The following DLG2 variants were observed in gnomAD, a reference collection of about 807,000 sequenced individuals.
DLG2 encodes the protein discs large MAGUK scaffold protein 2, also known as disks large homolog 2.
In DLG2, 45 loss-of-function variants were observed where a neutral mutation model predicts 132.5. The observed-to-expected ratio is 0.34, with a 90% CI of 0.27 to 0.44. The LOEUF is 0.44. Among genes scored for constraint, DLG2 ranks in the 20% least tolerant of loss-of-function variants. The pLI is 1.00. For missense variants in DLG2, 1,045 were observed against 1,196.9 expected (o/e 0.87, Z 1.87); for synonymous variants, 424 against 419.6 (o/e 1.01, Z -0.13).
At chr11:83,775,969 G>A (rs1276809732) in intron 18 of DLG2, among the ~76,000 whole-genome samples, 1 of 152,136 alleles carries the variant, frequency 6.6e-6, no homozygotes, top group Non-Finnish European at 1.5e-5. Context: ...GCAGGAGCCT[G>A]TAGTCCCAGC....
chr11:84,294,976 A>G (rs2098068841), intron 7 of DLG2, among the ~76,000 whole-genome samples: 1 of 152,198 alleles, frequency 6.6e-6, no homozygotes, highest in African/African-American at 2.4e-5. Flanking sequence ...TGAAAACTAT[A>G]TTGTTTTTAC....
chr11:85,482,106 C>G (rs973246284), intron 3 of DLG2, among the ~76,000 whole-genome samples: 1 of 152,110 alleles, frequency 6.6e-6, no homozygotes, highest in African/African-American at 2.4e-5. Flanking sequence ...TGGCCCCAGG[C>G]TGCAGACCAC....
chr11:83,742,890 C>T (rs1420445915), intron 18 of DLG2, among the ~76,000 whole-genome samples: 1 of 152,092 alleles, frequency 6.6e-6, no homozygotes, highest in East Asian at 1.9e-4. Context: ...ATTAGACACC[C>T]AGAAGTTAGA....
chr11:84,716,654 A>T (rs552126206), intron 6 of DLG2, among the ~76,000 whole-genome samples: 6 of 151,618 alleles, frequency 4.0e-5, no homozygotes, highest in Non-Finnish European at 8.8e-5. Context: ...CCCCATGGCA[A>T]GCCCATTCCC....
intron 21 of DLG2, among the ~76,000 whole-genome samples, chr11:83,488,798 C>T (rs2093674563): frequency 1.3e-5 from 2 of 151,926 alleles, no homozygotes; most frequent in South Asian, 2.1e-4. Flanking sequence ...TTGTGTTCCC[C>T]TGGGAAAGTT....
At chr11:83,962,811 C>A (rs1251650201) in intron 14 of DLG2, 74 bp downstream of exon 14, 10 of 1,566,830 alleles carry the variant, frequency 6.4e-6, no homozygotes, top group Admixed American at 1.7e-5. Context: ...CAAAACAACA[C>A]CTGACATGTT....
chr11:85,399,633 T>G (rs1269974790), intron 3 of DLG2, among the ~76,000 whole-genome samples: 1 of 152,150 alleles, frequency 6.6e-6, no homozygotes, highest in Non-Finnish European at 1.5e-5. Context: ...GCCACATATC[T>G]ACAACGATCT....
intron 6 of DLG2, among the ~76,000 whole-genome samples, chr11:84,928,982 G>GTGTGTGTGTATATATATA (rs1400906684): frequency 1.3e-3 from 64 of 49,100 alleles, no homozygotes; most frequent in African/African-American, 2.1e-3. Context: ...GTGTGTGTGT[G>GTGTGTGTGTATATATATA]TATATATATA....
chr11:84,011,220 T>C (rs145184289), intron 11 of DLG2, among the ~76,000 whole-genome samples: 1,952 of 152,122 alleles, frequency 0.013, 33 homozygotes, highest in African/African-American at 0.045. Context: ...CTCATAATCC[T>C]AGCACTTTGG....
At chr11:84,897,927 ACATAAG>A (rs2090411453) in intron 6 of DLG2, among the ~76,000 whole-genome samples, 2 of 151,880 alleles carry the variant, frequency 1.3e-5, no homozygotes, top group South Asian at 4.1e-4. Context: ...TTGGAAAAAT[ACATAAG>A]CTCCTATAAA....
At chr11:85,518,712 C>T (rs965116545) in intron 3 of DLG2, among the ~76,000 whole-genome samples, 2 of 152,150 alleles carry the variant, frequency 1.3e-5, no homozygotes, top group African/African-American at 4.8e-5. Flanking sequence ...GGAAAAATGT[C>T]TCCAAGACAT....
At chr11:85,123,051 C>T (rs2074613875) in intron 5 of DLG2, among the ~76,000 whole-genome samples, 1 of 140,362 alleles carries the variant, frequency 7.1e-6, no homozygotes, top group East Asian at 2.1e-4. Context: ...GATCTCGGCT[C>T]ACTGCAAGCT....
intron 10 of DLG2, among the ~76,000 whole-genome samples, chr11:84,082,505 A>G (rs896938886): frequency 2.0e-5 from 3 of 152,210 alleles, no homozygotes; most frequent in Non-Finnish European, 4.4e-5. Flanking sequence ...GAAGTGACTA[A>G]AACACCAATC....
chr11:83,849,001 C>T (rs1344932277), intron 16 of DLG2, among the ~76,000 whole-genome samples: 1 of 152,154 alleles, frequency 6.6e-6, no homozygotes, highest in Non-Finnish European at 1.5e-5. Context: ...CTGTCCTCTA[C>T]CAACTGGGAA....
Position 84,371,050 on chromosome 11 carries a change from G to T in DLG2, c.520-119759C>A, listed in dbSNP as rs190327970. On this transcript the variant is annotated intron_variant, in intron 7 of 27. Coordinates refer to ENST00000376104, the MANE Select transcript of DLG2 (RefSeq NM_001142699.3). The stretch of plus-strand genomic sequence containing the variant: ...GCCTACTTATGTCCAAAGGACCAAA[G>T]TCTTTTTGTCGCTTTAGATCTAAAG... Among the ~76,000 whole-genome samples the T allele has an allele frequency of 2.2e-3, 331 of 152,146 alleles. 1 individual carries two copies. Among genetic ancestry groups the T allele is most frequent in the African/African-American group, 7.7e-3 (320 of 41,502 alleles).
At chr11:83,505,286 G>A (rs535370372) in intron 21 of DLG2, among the ~76,000 whole-genome samples, 7 of 152,300 alleles carry the variant, frequency 4.6e-5, no homozygotes, top group Non-Finnish European at 1.0e-4. Context: ...CTCTGCTGCT[G>A]GCAAATGGGG....
At chr11:85,027,892 A>G (rs890400906) in intron 6 of DLG2, among the ~76,000 whole-genome samples, 1 of 152,146 alleles carries the variant, frequency 6.6e-6, no homozygotes, top group African/African-American at 2.4e-5. Flanking sequence ...TAATGTGGTA[A>G]GCGGGGGAGG....
At chr11:83,510,268 C>A (rs1020311401) in intron 21 of DLG2, among the ~76,000 whole-genome samples, 2 of 152,012 alleles carry the variant, frequency 1.3e-5, no homozygotes, top group African/African-American at 4.8e-5. Context: ...AGCTTTACCC[C>A]CTTGGATGTT....
chr11:83,687,634 T>C (rs1205475235), intron 18 of DLG2, among the ~76,000 whole-genome samples: 2 of 152,208 alleles, frequency 1.3e-5, no homozygotes, highest in East Asian at 3.8e-4. Context: ...TTTTCGTAAA[T>C]TTTTATTTTG....
Sources: allele counts gnomAD v4.1 joint callset (sites outside exome capture counted in the v4.1 genomes callset), GRCh38; gene constraint gnomAD v4.1.1; transcripts MANE v1.5; gene names NCBI Gene and HGNC (gene_info 2026-07-23, HGNC 2026-07-21).